ERC2: variants seen among roughly 807,000 people sequenced by gnomAD.
ERC2 encodes ELKS/RAB6-interacting/CAST family member 2.
A neutral mutation model predicts 114.8 loss-of-function variants in ERC2; 42 were observed. The observed-to-expected ratio is 0.37, with a 90% CI of 0.29 to 0.47. The LOEUF (loss-of-function observed/expected upper bound fraction) is 0.47. Among genes scored for constraint, ERC2 ranks in the 20% least tolerant of loss-of-function variants. The pLI is 0.99. For missense variants in ERC2, 939 were observed against 1,150.7 expected, an observed-to-expected ratio of 0.82 and a Z score of 2.66; for synonymous variants, 454 against 425.5, an observed-to-expected ratio of 1.07 and a Z score of -0.82.
chr3:56,396,527 A>G (rs2106899635), intron 2 of ERC2, among the ~76,000 whole-genome samples: 1 of 152,338 alleles, frequency 6.6e-6, no homozygotes, highest in East Asian at 1.9e-4. Flanking sequence ...TGTTCAACAA[A>G]AAAGGCAAGT....
chr3:55,862,683 T>A (rs1281620807), intron 14 of ERC2, among the ~76,000 whole-genome samples: 2 of 152,210 alleles, frequency 1.3e-5, no homozygotes, highest in Non-Finnish European at 2.9e-5. Flanking sequence ...CTGGACACTT[T>A]GCAGATTTAC....
At chr3:56,378,597 A>C (rs2106687944) in intron 2 of ERC2, among the ~76,000 whole-genome samples, 1 of 152,164 alleles carries the variant, frequency 6.6e-6, no homozygotes, top group African/African-American at 2.4e-5. Context: ...CAAAGGCAGC[A>C]ATCTGAAACT....
At chr3:56,097,336 C>G (rs1238969651) in intron 6 of ERC2, among the ~76,000 whole-genome samples, 1 of 152,092 alleles carries the variant, frequency 6.6e-6, no homozygotes, top group Admixed American at 6.6e-5. Context: ...CCTACATATA[C>G]TTATTGCTCA....
intron 17 of ERC2, among the ~76,000 whole-genome samples, chr3:55,577,339 C>A (rs1324349290): frequency 6.6e-6 from 1 of 151,964 alleles, no homozygotes; most frequent in East Asian, 1.9e-4. Flanking sequence ...GAAGGCCAGC[C>A]TTGAATAATT....
intron 3 of ERC2, among the ~76,000 whole-genome samples, chr3:56,198,201 G>A (rs2048216601): frequency 1.3e-5 from 2 of 152,228 alleles, no homozygotes; most frequent in Admixed American, 6.5e-5. Flanking sequence ...CTTTCTCAAT[G>A]AATGAACCAG....
Position 55,551,023 on chromosome 3 carries a change from A to G in ERC2, c.*40-39747T>C, listed in dbSNP as rs532037322. Reference sequence around the variant, plus strand: ...AAAGCAAGACTCCGTCTCAAAAAAAAAAAAAAAAGAAAGAAAGAAATAACA... The same window carrying G: ...AAAGCAAGACTCCGTCTCAAAAAAAGAAAAAAAAGAAAGAAAGAAATAACA... On this transcript the variant is annotated intron_variant, in intron 17 of 17. Transcript: ENST00000288221. 5.9e-5 allele frequency among the ~76,000 whole-genome samples: 9 copies of G among 151,528 alleles called. No individual in the cohort carries two copies. In the South Asian group the frequency reaches 1.9e-3, roughly 32 times the overall value.
intron 6 of ERC2, among the ~76,000 whole-genome samples, chr3:56,082,630 G>A (rs1274448988): frequency 1.3e-5 from 2 of 152,154 alleles, no homozygotes; most frequent in African/African-American, 4.8e-5. Flanking sequence ...GGCAAAGGAT[G>A]TATGAAGTAA....
intron 6 of ERC2, among the ~76,000 whole-genome samples, chr3:56,135,388 A>G (rs1046414022): frequency 1.3e-5 from 2 of 152,224 alleles, no homozygotes; most frequent in African/African-American, 4.8e-5. Flanking sequence ...ATAAATGCAC[A>G]TACCAAAAAT....
chr3:55,850,845 A>ACACACACAC (rs2061537172), intron 14 of ERC2, among the ~76,000 whole-genome samples: 1 of 125,868 alleles, frequency 7.9e-6, no homozygotes, highest in Non-Finnish European at 1.7e-5. Context: ...CTCTTTTTCA[A>ACACACACAC]ACACACACAC....
intron 6 of ERC2, among the ~76,000 whole-genome samples, chr3:56,086,041 G>A (rs528854397): frequency 1.3e-5 from 2 of 152,126 alleles, no homozygotes; most frequent in African/African-American, 2.4e-5. Flanking sequence ...AGAGAGTCAA[G>A]GGCTCTTAAA....
intron 2 of ERC2, among the ~76,000 whole-genome samples, chr3:56,314,728 G>C (rs1450565313): frequency 6.6e-6 from 1 of 152,178 alleles, no homozygotes; most frequent in Non-Finnish European, 1.5e-5. Context: ...CTGAACACTA[G>C]TGATGGCACA....
intron 3 of ERC2, among the ~76,000 whole-genome samples, chr3:56,224,844 C>G (rs1232300999): frequency 6.6e-6 from 1 of 152,110 alleles, no homozygotes; most frequent in African/African-American, 2.4e-5. Flanking sequence ...AACTGAATAC[C>G]CATTATGAGC....
chr3:56,162,992 A>G (rs2082134316), intron 4 of ERC2, among the ~76,000 whole-genome samples: 1 of 151,758 alleles, frequency 6.6e-6, no homozygotes, highest in Admixed American at 6.6e-5. Flanking sequence ...ACTTTTTGAG[A>G]TAGGCACTTA....
intron 1 of ERC2, among the ~76,000 whole-genome samples, chr3:56,447,256 T>C (rs1466771358): frequency 1.3e-5 from 2 of 152,238 alleles, no homozygotes; most frequent in Admixed American, 1.3e-4. Context: ...ACGCACAGCA[T>C]CTTTCAGTCC....
intron 2 of ERC2, among the ~76,000 whole-genome samples, chr3:56,317,237 G>A (rs2056908446): frequency 6.6e-6 from 1 of 152,202 alleles, no homozygotes; most frequent in Non-Finnish European, 1.5e-5. Flanking sequence ...CCTAGAACAA[G>A]GAAGAAAGAT....
At chr3:55,787,157 C>A (rs2149066903) in intron 14 of ERC2, among the ~76,000 whole-genome samples, 1 of 152,234 alleles carries the variant, frequency 6.6e-6, no homozygotes, top group East Asian at 1.9e-4. Flanking sequence ...TGGCTCACAC[C>A]TGTAATCCTA....
chr3:56,059,092 T>A (rs970814710), intron 7 of ERC2, among the ~76,000 whole-genome samples: 8 of 84,786 alleles, frequency 9.4e-5, no homozygotes, highest in Admixed American at 2.4e-4. Flanking sequence ...TTTTTTATTT[T>A]TTTTATTTTT....
At chr3:56,162,674 T>C (rs1014743088) in intron 4 of ERC2, among the ~76,000 whole-genome samples, 2 of 152,196 alleles carry the variant, frequency 1.3e-5, no homozygotes, top group African/African-American at 4.8e-5. Flanking sequence ...ATTTAAGTGT[T>C]CATAATAGTC....
intron 3 of ERC2, among the ~76,000 whole-genome samples, chr3:56,288,383 A>G (rs2054862194): frequency 6.6e-6 from 1 of 152,084 alleles, no homozygotes; most frequent in Non-Finnish European, 1.5e-5. Context: ...ACCTCCGGAC[A>G]TTCTCACTCC....
Sources: allele counts gnomAD v4.1 joint callset (sites outside exome capture counted in the v4.1 genomes callset), GRCh38; gene constraint gnomAD v4.1.1; transcripts MANE v1.5; gene names NCBI Gene and HGNC (gene_info 2026-07-23, HGNC 2026-07-21).